Variants in PTPRT observed in about 807,000 individuals in gnomAD.
The protein encoded by PTPRT is receptor-type tyrosine-protein phosphatase T.
A neutral mutation model predicts 176.8 loss-of-function variants in PTPRT; 56 were observed. The ratio of observed to expected loss-of-function variants is 0.32; its 90% CI spans 0.26 to 0.40. The LOEUF (loss-of-function observed/expected upper bound fraction) is 0.40, where lower values mean the gene tolerates loss of function less well. Among genes scored for constraint, PTPRT ranks in the 10% least tolerant of loss-of-function variants. PTPRT has a pLI of 1.00. For missense variants in PTPRT, 1,540 were observed against 1,908.2 expected, an observed-to-expected ratio of 0.81 and a Z score of 3.60; for synonymous variants, 783 against 739.0, an observed-to-expected ratio of 1.06 and a Z score of -0.96.
intron 7 of PTPRT, among the ~76,000 whole-genome samples, chr20:42,641,713 G>T (rs1391393353): frequency 6.6e-6 from 1 of 152,170 alleles, no homozygotes; most frequent in Non-Finnish European, 1.5e-5. Flanking sequence ...CCCTGGAAAA[G>T]AACCTAAGCA....
intron 22 of PTPRT, among the ~76,000 whole-genome samples, chr20:42,112,852 G>T (rs1380973018): frequency 2.0e-5 from 3 of 152,228 alleles, no homozygotes; most frequent in Admixed American, 2.0e-4. Context: ...CCAGATGAAG[G>T]CAGTGATGAA....
At chr20:42,162,889 G>A (rs1989666681) in intron 16 of PTPRT, among the ~76,000 whole-genome samples, 1 of 152,220 alleles carries the variant, frequency 6.6e-6, no homozygotes, top group Non-Finnish European at 1.5e-5. Flanking sequence ...GCATCGGCAA[G>A]CCTGTTCCTG....
chr20:42,103,843 T>C (rs149389374), intron 25 of PTPRT, among the ~76,000 whole-genome samples: 4 of 152,348 alleles, frequency 2.6e-5, no homozygotes, highest in East Asian at 1.9e-4. Flanking sequence ...AAAAAACATA[T>C]TCACAGTTAA....
rs1455882212 is a variant in PTPRT at position 42,184,543 on chromosome 20, CTTCTTCTTCTTCTTCTTA to C, written c.2491+14679_2491+14696del. Reference sequence around the variant, plus strand: ...CCTTCTTCTTCTTCTTCCTCTTCCTCTTCTTCTTCTTCTTCTTATTCTTCTTCTTCTTCTTCTTCTTCT... The same window carrying C: ...CCTTCTTCTTCTTCTTCCTCTTCCTCTTCTTCTTCTTCTTCTTCTTCTTCT... On this transcript the variant is annotated intron_variant, in intron 16 of 30. Transcript: ENST00000373187. Among the ~76,000 whole-genome samples the C allele has an allele frequency of 4.1e-3, 407 of 99,532 alleles. 5 individuals carry two copies. The highest frequency in any genetic ancestry group is 0.017 in the African/African-American group (388 of 23,478). The allele number at this position is 99,532 out of a possible 152,430, so 65.3% of individuals were successfully genotyped here. A position where few individuals can be genotyped will look rare whatever the true frequency, so the allele number is the denominator to read the frequency against.
chr20:42,260,421 G>A (rs1410195147), intron 13 of PTPRT, among the ~76,000 whole-genome samples: 1 of 152,202 alleles, frequency 6.6e-6, no homozygotes, highest in Non-Finnish European at 1.5e-5. Context: ...GAGCACCCAC[G>A]GCCTGCACTG....
intron 7 of PTPRT, among the ~76,000 whole-genome samples, chr20:42,614,522 G>A (rs1031114269): frequency 6.7e-6 from 1 of 150,180 alleles, no homozygotes; most frequent in African/African-American, 2.5e-5. Flanking sequence ...TGTCAGCCGA[G>A]CTAACACTCC....
intron 15 of PTPRT, among the ~76,000 whole-genome samples, chr20:42,209,976 T>C (rs2055579774): frequency 6.6e-6 from 1 of 152,186 alleles, no homozygotes; most frequent in Admixed American, 6.5e-5. Flanking sequence ...CTCCCTGGGA[T>C]GCAAGGCTGG....
Position 42,797,409 on chromosome 20 carries a change from C to T in PTPRT, c.215-5943G>A, listed in dbSNP as rs1241191799. On this transcript the variant is annotated intron_variant, in intron 2 of 30. Transcript: ENST00000373187. ...GCCAACCGTGACATGTTCTCGACTT[C>T]CATTGAGGTCTTCCTTTATAGGAAA... Among the ~76,000 whole-genome samples the T allele has an allele frequency of 2.0e-5, 3 of 152,128 alleles. No homozygotes were observed. In the South Asian group the frequency reaches 6.2e-4, roughly 32 times the overall value.
intron 15 of PTPRT, among the ~76,000 whole-genome samples, chr20:42,205,956 A>G (rs1441034598): frequency 6.6e-6 from 1 of 152,132 alleles, no homozygotes; most frequent in African/African-American, 2.4e-5. Context: ...GAACTATAGC[A>G]TCTTCTCATT....
At chr20:42,108,744 A>ATATAT (rs1233204524) in intron 23 of PTPRT, among the ~76,000 whole-genome samples, 14 of 152,176 alleles carry the variant, frequency 9.2e-5, no homozygotes, top group African/African-American at 2.9e-4. Context: ...GAGAATAATG[A>ATATAT]TATATTAGAG....
intron 1 of PTPRT, among the ~76,000 whole-genome samples, chr20:42,892,867 T>C (rs1240125232): frequency 6.6e-6 from 1 of 152,206 alleles, no homozygotes; most frequent in African/African-American, 2.4e-5. Context: ...TTGCACTTTA[T>C]TGTTCAGTGA....
chr20:42,842,608 T>A (rs1183473031), intron 2 of PTPRT, among the ~76,000 whole-genome samples: 1 of 151,998 alleles, frequency 6.6e-6, no homozygotes, highest in Admixed American at 6.6e-5. Context: ...TTAGTAGAGA[T>A]GGGGTTTCAC....
chr20:42,735,369 C>T (rs1209200440), intron 6 of PTPRT, among the ~76,000 whole-genome samples: 1 of 152,066 alleles, frequency 6.6e-6, no homozygotes, highest in Admixed American at 6.6e-5. Context: ...AAAAGGCATC[C>T]CACGGAAAAC....
At chr20:42,382,595 G>A (rs978198885) in intron 9 of PTPRT, among the ~76,000 whole-genome samples, 2 of 152,146 alleles carry the variant, frequency 1.3e-5, no homozygotes, top group Admixed American at 6.6e-5. Flanking sequence ...TGCTAGGTCC[G>A]TGCAGGAAAA....
At chr20:43,170,633 G>A (rs900465293) in intron 1 of PTPRT, among the ~76,000 whole-genome samples, 1 of 152,160 alleles carries the variant, frequency 6.6e-6, no homozygotes, top group African/African-American at 2.4e-5. Context: ...TCCCTCACCA[G>A]GTATTTGACA....
intron 1 of PTPRT, among the ~76,000 whole-genome samples, chr20:42,914,676 G>T (rs890585428): frequency 1.3e-5 from 2 of 152,134 alleles, no homozygotes; most frequent in Admixed American, 6.5e-5. Context: ...ATCAGGAGTT[G>T]AGGGTGAGGG....
chr20:42,108,443 GATA>G (rs139645269), intron 23 of PTPRT, among the ~76,000 whole-genome samples: 2,750 of 152,070 alleles, frequency 0.018, 43 homozygotes, highest in Non-Finnish European at 0.03. Flanking sequence ...AAATGATGTT[GATA>G]ATAATTAATA....
At chr20:42,868,603 C>G (rs116736875) in intron 2 of PTPRT, among the ~76,000 whole-genome samples, 2 of 152,094 alleles carry the variant, frequency 1.3e-5, no homozygotes, top group African/African-American at 2.4e-5. Context: ...CTGGCCAGGA[C>G]ATAAAGGTAT....
chr20:42,861,854 G>GT (rs2078667120), intron 2 of PTPRT, among the ~76,000 whole-genome samples: 1 of 151,426 alleles, frequency 6.6e-6, no homozygotes, highest in South Asian at 2.1e-4. Context: ...GCCTGGTGTG[G>GT]TTAAAAAAAA....
Sources: gnomAD v4.1 joint callset for allele counts (sites outside exome capture counted in the v4.1 genomes callset) on GRCh38, gnomAD v4.1.1 for gene constraint, MANE v1.5 for transcripts, NCBI Gene and HGNC (gene_info 2026-07-23, HGNC 2026-07-21) for gene names.